LRRC74A: variants seen among roughly 807,000 people sequenced by gnomAD.
LRRC74A encodes the protein leucine rich repeat containing 74A.
Under a neutral mutation model 57.9 loss-of-function variants are expected in LRRC74A, and 44 were observed. The observed-to-expected ratio is 0.76, with a 90% confidence interval of 0.60 to 0.98. The LOEUF (loss-of-function observed/expected upper bound fraction) is 0.98, where lower values mean the gene tolerates loss of function less well. Among genes scored for constraint, LRRC74A ranks in the 50% least tolerant of loss-of-function variants. The pLI is 0.00. For missense variants in LRRC74A, 572 were observed against 574.0 expected, an observed-to-expected ratio of 1.00 and a Z score of 0.04; for synonymous variants, 211 against 219.4, an observed-to-expected ratio of 0.96 and a Z score of 0.34.
At chr14:76,860,053 T>C (rs1898185836) in intron 10 of LRRC74A, among the ~76,000 whole-genome samples, 1 of 152,170 alleles carries the variant, frequency 6.6e-6, no homozygotes, top group Non-Finnish European at 1.5e-5. Context: ...TTGTAGATGC[T>C]CCTAGAACTT....
At chr14:76,859,971 C>T (rs775495290) in intron 10 of LRRC74A, among the ~76,000 whole-genome samples, 1 of 152,252 alleles carries the variant, frequency 6.6e-6, no homozygotes, top group South Asian at 2.1e-4. Context: ...AGACATCGAG[C>T]CTGTATTAGC....
chr14:76,836,380 G>A, intron 4 of LRRC74A, 66 bp downstream of exon 4: 1 of 1,232,522 alleles, frequency 8.1e-7, no homozygotes, highest in East Asian at 2.5e-5. Flanking sequence ...CTGGAGACAA[G>A]CCAGAGGCCC....
At chr14:76,852,022 A>G (rs1897534294) in intron 7 of LRRC74A, among the ~76,000 whole-genome samples, 1 of 152,134 alleles carries the variant, frequency 6.6e-6, no homozygotes, top group Non-Finnish European at 1.5e-5. Context: ...TGCTCTTCCC[A>G]TATTCTGTGC....
At chr14:76,834,986 G>T (rs921765442) in intron 3 of LRRC74A, among the ~76,000 whole-genome samples, 1 of 152,062 alleles carries the variant, frequency 6.6e-6, no homozygotes, top group African/African-American at 2.4e-5. Flanking sequence ...AGAGGGTGGC[G>T]GAGGACCAGC....
At chr14:76,867,857 C>T (rs1044936084) in intron 13 of LRRC74A, among the ~76,000 whole-genome samples, 3 of 152,176 alleles carry the variant, frequency 2.0e-5, no homozygotes, top group Admixed American at 6.5e-5. Context: ...TCTGGCAAGA[C>T]GGAGACCTAG....
intron 10 of LRRC74A, among the ~76,000 whole-genome samples, chr14:76,859,409 C>T (rs778090592): frequency 4.0e-5 from 6 of 151,864 alleles, no homozygotes; most frequent in Non-Finnish European, 8.8e-5. Flanking sequence ...TGGCGCATGC[C>T]TGTAATCATA....
At chr14:76,841,996 G>A (rs751686492) in intron 5 of LRRC74A, among the ~76,000 whole-genome samples, 2 of 152,156 alleles carry the variant, frequency 1.3e-5, no homozygotes, top group South Asian at 2.1e-4. Context: ...ACAGGTGTGA[G>A]CTACTGTGCC....
chr14:76,867,422 G>A lies in LRRC74A; in HGVS notation c.1375G>A (p.Gly459Ser). 2 of 1,594,836 alleles carry A rather than the reference G, an allele frequency of 1.3e-6. No homozygotes were observed. Among genetic ancestry groups the A allele is most frequent in the Non-Finnish European group, 1.7e-6 (2 of 1,163,620 alleles). The part of the protein sequence containing the change: ...EVIKKLDEKT[G>S]MVNFSFLNTM... ...GATAAAGAAGCTCGATGAGAAGACA[G>A]GCATGGTGAACTTCAGGTCAGCCCA... Residue 459 changes from glycine (G) to serine (S), a missense_variant, in exon 13 of 14, where the codon GGC (glycine) becomes AGC (serine). Gly to Ser is a moderately conservative substitution (Grantham distance 56). Coordinates refer to ENST00000689127, the MANE Select transcript of LRRC74A (RefSeq NM_001385106.1).
Position 76,828,391 on chromosome 14 carries a change from G to T in LRRC74A, c.138G>T (p.Glu46Asp). Residue 46 changes from glutamate to aspartate, a missense_variant, in exon 2 of 14, where the codon GAG becomes GAT. By Grantham distance (45) the Glu-to-Asp change is conservative. Coordinates refer to ENST00000689127, the MANE Select transcript of LRRC74A (RefSeq NM_001385106.1). The part of the protein sequence containing the change: ...PTVEKVKPAR[E>D]NSETDLEIED... ...TTGAAAAAGTGAAACCAGCCCGGGA[G>T]AATTCGGAAACAGACCTGGAGATTG... 1 of 1,614,026 alleles carries T rather than the reference G, an allele frequency of 6.2e-7. No individual in the cohort carries two copies. The highest frequency in any genetic ancestry group is 1.3e-5 in the African/African-American group (1 of 75,058).
chr14:76,846,946 A>G (rs748353206), intron 7 of LRRC74A, among the ~76,000 whole-genome samples: 9 of 152,148 alleles, frequency 5.9e-5, no homozygotes, highest in Non-Finnish European at 1.2e-4. Context: ...TGTATTTAAA[A>G]CCATGAGGCA....
In LRRC74A at chr14:76,857,491, G is replaced by T. The variant is rs1234853243; in HGVS notation, c.1053+16G>T. 6.5e-7 allele frequency: 1 copy of T among 1,541,704 alleles called. No individual in the cohort carries two copies. The highest frequency in any genetic ancestry group is 1.9e-5 in the Admixed American group (1 of 51,494). ...TGATATTTCCGTAAGTGATCAAATGGTAGTTGCTTGCGTCTGGGCACAAGC... is the reference window on the plus strand; with the variant it reads ...TGATATTTCCGTAAGTGATCAAATGTTAGTTGCTTGCGTCTGGGCACAAGC... On this transcript the variant is annotated intron_variant, in intron 10 of 13. Transcript: ENST00000689127.
intron 3 of LRRC74A, among the ~76,000 whole-genome samples, chr14:76,834,587 A>G (rs1896188621): frequency 6.6e-6 from 1 of 152,126 alleles, no homozygotes; most frequent in South Asian, 2.1e-4. Flanking sequence ...GTACCCTTGC[A>G]TGTGGGGGCA....
chr14:76,858,225 A>G (rs1898042983), intron 10 of LRRC74A, among the ~76,000 whole-genome samples: 1 of 152,194 alleles, frequency 6.6e-6, no homozygotes, highest in African/African-American at 2.4e-5. Context: ...GTCCAAGAGT[A>G]AGGTGTCAGC....
intron 1 of LRRC74A, 143 bp from the exon 2 acceptor site, chr14:76,828,148 G>C: frequency 9.3e-7 from 1 of 1,079,128 alleles, no homozygotes. Flanking sequence ...TTGTAGAGTG[G>C]ACTTGCCCTG....
At chr14:76,848,792 G>A (rs548699437) in intron 7 of LRRC74A, among the ~76,000 whole-genome samples, 2 of 152,170 alleles carry the variant, frequency 1.3e-5, no homozygotes, top group African/African-American at 4.8e-5. Flanking sequence ...CCATGAGAAG[G>A]CTGCAGGCAA....
intron 8 of LRRC74A, 90 bp downstream of exon 8, chr14:76,852,540 C>T: frequency 3.2e-6 from 3 of 943,964 alleles, no homozygotes; most frequent in South Asian, 1.6e-5. Context: ...TCCTCATGGT[C>T]ACCATCAATG....
At chr14:76,844,383 G>A (rs1896979167) in intron 5 of LRRC74A, 40 bp from the exon 6 acceptor site, 1 of 1,590,644 alleles carries the variant, frequency 6.3e-7, no homozygotes, top group Non-Finnish European at 8.6e-7. Context: ...AGGGAGCCAT[G>A]GTCTAGCAGT....
chr14:76,866,749 T>C (rs1401076371), intron 12 of LRRC74A, among the ~76,000 whole-genome samples: 1 of 151,840 alleles, frequency 6.6e-6, no homozygotes, highest in Admixed American at 6.6e-5. Context: ...CACCTGACTC[T>C]GATCTCCTCC....
intron 7 of LRRC74A, 85 bp from the exon 8 acceptor site, chr14:76,852,280 C>A: frequency 2.0e-6 from 2 of 1,006,424 alleles, no homozygotes; most frequent in Non-Finnish European, 3.0e-6. Context: ...TGGTCTTTAT[C>A]CCCAGTGTCA....
Sources: allele counts gnomAD v4.1 joint callset (sites outside exome capture counted in the v4.1 genomes callset), GRCh38; gene constraint gnomAD v4.1.1; transcripts MANE v1.5; gene names NCBI Gene and HGNC (gene_info 2026-07-23, HGNC 2026-07-21).